CDH12: variants seen among roughly 807,000 people sequenced by gnomAD.
CDH12 encodes the protein cadherin 12.
Under a neutral mutation model 74.1 loss-of-function variants are expected in CDH12, and 41 were observed. The observed-to-expected ratio is 0.55, with a 90% CI of 0.43 to 0.72. The LOEUF (loss-of-function observed/expected upper bound fraction) is 0.72. CDH12 is among the 30% of genes least tolerant of loss of function. CDH12 has a pLI of 0.00. For synonymous variants in CDH12, 399 were observed against 355.0 expected, an observed-to-expected ratio of 1.12 and a Z score of -1.39; for missense variants, 945 against 977.2, an observed-to-expected ratio of 0.97 and a Z score of 0.44.
chr5:21,908,805 T>C (rs1484248791), intron 6 of CDH12, among the ~76,000 whole-genome samples: 1 of 152,168 alleles, frequency 6.6e-6, no homozygotes, highest in Non-Finnish European at 1.5e-5. Context: ...AAGGCAATTA[T>C]TGTTCTTCAG....
At chr5:22,557,691 TTACC>T (rs1259478025) in intron 1 of CDH12, among the ~76,000 whole-genome samples, 1 of 152,046 alleles carries the variant, frequency 6.6e-6, no homozygotes, top group Non-Finnish European at 1.5e-5. Context: ...AATTGTGCAA[TTACC>T]TACAATGATA....
chr5:22,637,060 C>A (rs1412651765), intron 1 of CDH12, among the ~76,000 whole-genome samples: 1 of 152,124 alleles, frequency 6.6e-6, no homozygotes, highest in Admixed American at 6.5e-5. Flanking sequence ...AAGGTGGTTA[C>A]CCCAATAGCT....
chr5:22,344,651 C>T (rs113516168), intron 3 of CDH12, among the ~76,000 whole-genome samples: 4,533 of 152,102 alleles, frequency 0.03, 110 homozygotes, highest in African/African-American at 0.068. Flanking sequence ...TATGTGGACA[C>T]AGGCAAATAG....
In CDH12 at chr5:22,565,212, G is replaced by A. The variant is rs536938093; in HGVS notation, c.-522-59848C>T. 2.0e-5 allele frequency among the ~76,000 whole-genome samples: 3 copies of A among 152,238 alleles called. 1 individual carries two copies. The South Asian group carries it at 6.2e-4, about 32-fold the overall frequency. On this transcript the variant is annotated intron_variant, in intron 1 of 14. Transcript: ENST00000382254. ...GCCTCCCAAAGTGCTGGGATTATAG[G>A]CATGAGCTACCACGCCTGGCTTTGA...
At chr5:21,814,994 C>A (rs1747965237) in intron 9 of CDH12, among the ~76,000 whole-genome samples, 1 of 151,886 alleles carries the variant, frequency 6.6e-6, no homozygotes, top group South Asian at 2.1e-4. Context: ...CTGTACTTTG[C>A]AAATTTAACA....
At chr5:21,830,482 G>C (rs936860069) in intron 8 of CDH12, among the ~76,000 whole-genome samples, 1 of 152,174 alleles carries the variant, frequency 6.6e-6, no homozygotes, top group African/African-American at 2.4e-5. Context: ...AAGCCAAACA[G>C]AGCCACTTTT....
chr5:21,911,018 C>G (rs545618315), intron 6 of CDH12, among the ~76,000 whole-genome samples: 1 of 152,250 alleles, frequency 6.6e-6, no homozygotes, highest in African/African-American at 2.4e-5. Flanking sequence ...TAATAATAAG[C>G]CTTGTAGTGT....
chr5:21,862,283 C>T (rs994652717), intron 6 of CDH12, among the ~76,000 whole-genome samples: 3 of 152,074 alleles, frequency 2.0e-5, no homozygotes, highest in African/African-American at 7.2e-5. Flanking sequence ...ATGTAATAAT[C>T]ATCTTTTATT....
chr5:22,244,468 G>A (rs1303853429), intron 3 of CDH12, among the ~76,000 whole-genome samples: 1 of 114,850 alleles, frequency 8.7e-6, no homozygotes, highest in African/African-American at 3.4e-5. Context: ...TCACTCCAGG[G>A]TGGATGACAG....
intron 8 of CDH12, among the ~76,000 whole-genome samples, chr5:21,817,522 A>C (rs1208251142): frequency 6.7e-6 from 1 of 148,730 alleles, no homozygotes; most frequent in Non-Finnish European, 1.5e-5. Flanking sequence ...AGATACATAG[A>C]TAGATGATAG....
At chr5:21,859,339 C>T (rs567196486) in intron 6 of CDH12, among the ~76,000 whole-genome samples, 4 of 151,942 alleles carry the variant, frequency 2.6e-5, no homozygotes, top group African/African-American at 9.6e-5. Context: ...AAGTGTCAAG[C>T]AAAGGGGAAA....
Position 22,789,361 on chromosome 5 carries a change from T to G in CDH12, c.-523+63697A>C, listed in dbSNP as rs974464220. Among the ~76,000 whole-genome samples the G allele has an allele frequency of 2.6e-5, 4 of 151,958 alleles. 1 individual carries two copies. The highest frequency in any genetic ancestry group is 2.0e-4 in the Admixed American group (3 of 15,246). ...GTGACATAATAAAGAACAAAAAAAT[T>G]GTAATATAGAGTATGATATAATTGC... On this transcript the variant is annotated intron_variant, in intron 1 of 14. Coordinates refer to ENST00000382254, the MANE Select transcript of CDH12 (RefSeq NM_004061.5).
At position 22,641,001 on chromosome 5, in the gene CDH12, C is replaced by T. The variant is rs140521367; in HGVS notation, c.-522-135637G>A. On this transcript the variant is annotated intron_variant, in intron 1 of 14. Transcript: ENST00000382254. Reference sequence around the variant, plus strand: ...TGCCTTCTGCCAACTTCCCCCACTTCACTTCACCCTCACCTGCTATATTAG... The same window carrying T: ...TGCCTTCTGCCAACTTCCCCCACTTTACTTCACCCTCACCTGCTATATTAG... 3.6e-3 allele frequency among the ~76,000 whole-genome samples: 554 copies of T among 152,330 alleles called. 1 individual carries two copies. Among genetic ancestry groups the T allele is most frequent in the African/African-American group, 0.01 (427 of 41,572 alleles).
chr5:21,960,526 G>A (rs1281422482), intron 6 of CDH12, among the ~76,000 whole-genome samples: 1 of 152,126 alleles, frequency 6.6e-6, no homozygotes, highest in African/African-American at 2.4e-5. Flanking sequence ...TTCTTGGACA[G>A]TTATTATTCT....
At chr5:22,588,128 T>C (rs1046533911) in intron 1 of CDH12, among the ~76,000 whole-genome samples, 1 of 151,100 alleles carries the variant, frequency 6.6e-6, no homozygotes, top group African/African-American at 2.4e-5. Context: ...AATATTTTAC[T>C]CAAGGACCAT....
intron 5 of CDH12, among the ~76,000 whole-genome samples, chr5:22,038,138 C>A (rs1310101008): frequency 2.6e-5 from 4 of 152,158 alleles, no homozygotes; most frequent in African/African-American, 9.7e-5. Context: ...CTGTACTACA[C>A]CCCTTTGGAA....
At chr5:21,900,584 C>G (rs1187097856) in intron 6 of CDH12, among the ~76,000 whole-genome samples, 1 of 152,130 alleles carries the variant, frequency 6.6e-6, no homozygotes, top group South Asian at 2.1e-4. Flanking sequence ...CCGTAACAAC[C>G]AAATGCTGGA....
chr5:22,267,005 C>A (rs1204478221), intron 3 of CDH12, among the ~76,000 whole-genome samples: 2 of 152,040 alleles, frequency 1.3e-5, no homozygotes, highest in Non-Finnish European at 2.9e-5. Flanking sequence ...AAAAACAAAA[C>A]CCTTTCCAAT....
At chr5:22,092,265 G>A (rs920996183) in intron 4 of CDH12, among the ~76,000 whole-genome samples, 7 of 151,972 alleles carry the variant, frequency 4.6e-5, no homozygotes, top group Non-Finnish European at 1.0e-4. Context: ...ATAAAGACAA[G>A]CTGGACTTTA....
Sources: gnomAD v4.1 joint callset for allele counts (sites outside exome capture counted in the v4.1 genomes callset) on GRCh38, gnomAD v4.1.1 for gene constraint, MANE v1.5 for transcripts, NCBI Gene and HGNC (gene_info 2026-07-23, HGNC 2026-07-21) for gene names.